The following EXTL1 variants were observed in gnomAD, a reference collection of about 807,000 sequenced individuals.
EXTL1 encodes the protein exostosin-like 1.
In EXTL1, 43 loss-of-function variants were observed where a neutral mutation model predicts 64.6. That is an observed-to-expected ratio of 0.67 (90% CI 0.52 to 0.86). EXTL1 has a LOEUF of 0.86. Among genes scored for constraint, EXTL1 ranks in the 40% least tolerant of loss-of-function variants. The probability of loss-of-function intolerance (pLI) is 0.00; values close to 1 mark genes in which losing one functional copy is unlikely to be tolerated. For missense variants in EXTL1, 766 were observed against 879.0 expected, an observed-to-expected ratio of 0.87 and a Z score of 1.62; for synonymous variants, 352 against 360.5, an observed-to-expected ratio of 0.98 and a Z score of 0.27.
chr1:26,026,297 A>AT (rs61087238), intron 1 of EXTL1, among the ~76,000 whole-genome samples: 17,508 of 140,798 alleles, frequency 0.12, 1,271 homozygotes, highest in Middle Eastern at 0.2. Context: ...GAAGAAAAAA[A>AT]TTTTTTTTTT....
Position 26,033,912 on chromosome 1 carries a change from C to T in EXTL1, c.1679+56C>T. 5 of 1,523,992 alleles carry T rather than the reference C, an allele frequency of 3.3e-6. No individual in the cohort carries two copies. Among genetic ancestry groups the T allele is most frequent in the Non-Finnish European group, 4.4e-6 (5 of 1,126,582 alleles). 94.4% of individuals were successfully genotyped at this position (1,523,992 alleles called of 1,614,324 possible). On this transcript the variant is annotated intron_variant, in intron 9 of 10. Transcript: ENST00000374280. This position sits in a 1 kb window ranked among gnomAD's most constrained non-coding sequence, Gnocchi z 5.1. ...AGTATCAGAGGACCAGAGACCCCAC[C>T]CCCACCCCGAACGGAGCAGAGTGGC... is the stretch of plus-strand genomic sequence containing the variant.
At position 26,033,863 on chromosome 1, in the gene EXTL1, A is replaced by T. The variant is rs1179195182; in HGVS notation, c.1679+7A>T. The T allele has an allele frequency of 1.2e-6, 2 of 1,609,308 alleles. No individual in the cohort carries two copies. Among genetic ancestry groups the T allele is most frequent in the Non-Finnish European group, 1.7e-6 (2 of 1,177,420 alleles). On this transcript the variant is annotated splice_region_variant and intron_variant, in intron 9 of 10. Transcript: ENST00000374280. This position sits in a 1 kb window ranked among gnomAD's most constrained non-coding sequence, Gnocchi z 5.1. ...CAGCCGCCTTCTACCATAGGTACAG[A>T]CCCCTACCCTGCACAGGGATCAGAG...
intron 1 of EXTL1, among the ~76,000 whole-genome samples, chr1:26,026,439 A>C (rs1324744212): frequency 2.0e-5 from 3 of 151,692 alleles, no homozygotes; most frequent in African/African-American, 7.3e-5. Context: ...GATTACAGGC[A>C]CGCACCACTA....
In EXTL1 at chr1:26,034,125, G is replaced by A. The variant is rs967517277; in HGVS notation, c.1679+269G>A. Among the ~76,000 whole-genome samples, 2 of 152,238 alleles carry A rather than the reference G, an allele frequency of 1.3e-5. No homozygotes were observed. The highest frequency in any genetic ancestry group is 4.8e-5 in the African/African-American group (2 of 41,446). ...AGAGGTTCCACAAATGGTAGCTATT[G>A]TTATTTGAAGTAGAGCCATGCAGTG... On this transcript the variant is annotated intron_variant, in intron 9 of 10. Transcript: ENST00000374280. This position sits in a 1 kb window ranked among gnomAD's most constrained non-coding sequence, Gnocchi z 4.6.
chr1:26,033,954 CA>C lies in EXTL1; in HGVS notation c.1679+99del. The C allele has an allele frequency of 8.9e-7, 1 of 1,126,898 alleles. No homozygotes were observed. The highest frequency in any genetic ancestry group is 2.0e-5 in the South Asian group (1 of 50,576). 69.8% of individuals were successfully genotyped at this position (1,126,898 alleles called of 1,614,324 possible). The stretch of plus-strand genomic sequence containing the variant: ...CAGAGTGGCCTAGACCCCAGGGATC[CA>C]GGTTCAAGGCCGAGATCTGCCACTT... On this transcript the variant is annotated intron_variant, in intron 9 of 10. Coordinates refer to ENST00000374280, the MANE Select transcript of EXTL1 (RefSeq NM_004455.3). The surrounding 1 kb of genome is among the most constrained non-coding windows in gnomAD (Gnocchi z 5.1).
chr1:26,033,864 C>A lies in EXTL1; in HGVS notation c.1679+8C>A. Reference sequence around the variant, plus strand: ...AGCCGCCTTCTACCATAGGTACAGACCCCTACCCTGCACAGGGATCAGAGT... The same window carrying A: ...AGCCGCCTTCTACCATAGGTACAGAACCCTACCCTGCACAGGGATCAGAGT... On this transcript the variant is annotated splice_region_variant and intron_variant, in intron 9 of 10. Coordinates refer to ENST00000374280, the MANE Select transcript of EXTL1 (RefSeq NM_004455.3). The surrounding 1 kb of genome is among the most constrained non-coding windows in gnomAD (Gnocchi z 5.1). 6.2e-7 allele frequency: 1 copy of A among 1,609,630 alleles called. No homozygotes were observed.
Position 26,035,586 on chromosome 1 carries a change from G to A in EXTL1, c.*239G>A, listed in dbSNP as rs370020548. 1 of 445,796 alleles carries A rather than the reference G, an allele frequency of 2.2e-6. No homozygotes were observed. Among genetic ancestry groups the A allele is most frequent in the African/African-American group, 2.0e-5 (1 of 50,418 alleles). The allele number at this position is 445,796 out of a possible 1,614,324, so 27.6% of individuals were successfully genotyped here. On this transcript the variant is annotated 3_prime_UTR_variant, in exon 11 of 11. Transcript: ENST00000374280. This position sits in a 1 kb window ranked among gnomAD's most constrained non-coding sequence, Gnocchi z 5.3. ...CCCCGCGACCGGAGCGCCGCTCTCC[G>A]CTTCTCCACCCAGCTAACTTCTGCT...
In EXTL1 at chr1:26,035,376, G is replaced by A; in HGVS notation, c.*29G>A. 6.4e-7 allele frequency: 1 copy of A among 1,571,204 alleles called. No homozygotes were observed. The highest frequency in any genetic ancestry group is 1.4e-5 in the African/African-American group (1 of 73,796). On this transcript the variant is annotated 3_prime_UTR_variant, in exon 11 of 11. Coordinates refer to ENST00000374280, the MANE Select transcript of EXTL1 (RefSeq NM_004455.3). The surrounding 1 kb of genome is among the most constrained non-coding windows in gnomAD (Gnocchi z 5.3). ...GGCGACCCGCGGAGACCCCAGCAGA[G>A]GTCGCAGCCCAGCTCCCAGGGGGCC...
chr1:26,029,285 A>C lies in EXTL1; in HGVS notation c.872A>C (p.Gln291Pro). 6.2e-7 allele frequency: 1 copy of C among 1,612,582 alleles called. No individual in the cohort carries two copies. The highest frequency in any genetic ancestry group is 8.5e-7 in the Non-Finnish European group (1 of 1,178,750). The change falls in exon 2 of 11, where the codon CAG (glutamine) becomes CCG (proline). Residue 291 changes from glutamine to proline, a missense_variant and splice_region_variant. Transcript: ENST00000374280. The stretch of plus-strand genomic sequence containing the variant: ...GCCTCGCGCTTCCTCCAAGCCCTGC[A>C]GGTACAACCCCAATTTGAGCATCAC... Reference protein sequence around the residue: ...EAASRFLQALQAGCIPVLLSP... With the variant: ...EAASRFLQALPAGCIPVLLSP...
intron 3 of EXTL1, 44 bp downstream of exon 3, chr1:26,029,751 CAG>C (rs2050261826): frequency 7.7e-6 from 10 of 1,295,932 alleles, no homozygotes; most frequent in South Asian, 1.2e-5. Context: ...GGACCCAGGA[CAG>C]GGGAGGGACC....
rs749037578 is a variant in EXTL1 at position 26,022,948 on chromosome 1, A to G, written c.302A>G (p.Tyr101Cys). Residue 101 changes from tyrosine (Y) to cysteine (C), a missense_variant, in exon 1 of 11, where the codon TAC (tyrosine) becomes TGC (cysteine). This residue lies in a region of EXTL1 where 571 missense variants were observed against 647.6 expected (regional missense o/e 0.88). Coordinates refer to ENST00000374280, the MANE Select transcript of EXTL1 (RefSeq NM_004455.3). The part of the protein sequence containing the change: ...CRGDGLKVFV[Y>C]PAVGTISETH... ...GGCGATGGCCTTAAGGTATTCGTGT[A>G]CCCAGCGGTTGGAACCATCTCTGAG... is the stretch of plus-strand genomic sequence containing the variant. The G allele has an allele frequency of 2.5e-6, 4 of 1,614,050 alleles. No individual in the cohort carries two copies. The Admixed American group carries it at 6.7e-5, about 27-fold the overall frequency.
chr1:26,030,327 C>A, intron 3 of EXTL1, 149 bp from the exon 4 acceptor site: 1 of 676,308 alleles, frequency 1.5e-6, no homozygotes, highest in Non-Finnish European at 2.3e-6. Flanking sequence ...CCCCTGAATG[C>A]TTCTTTTTTT....
rs754107285 is a variant in EXTL1, at chr1:26,036,304, C to T, written c.*957C>T. ...GGAACTCAGCAAGAAGGGACTGTTT[C>T]TAGGTGGGCTGGGCGCGAGCAGGGA... On this transcript the variant is annotated 3_prime_UTR_variant, in exon 11 of 11. Coordinates refer to ENST00000374280, the MANE Select transcript of EXTL1 (RefSeq NM_004455.3). The surrounding 1 kb of genome is among the most constrained non-coding windows in gnomAD (Gnocchi z 5.2). The T allele has an allele frequency of 6.6e-6, 1 of 152,468 alleles. No individual in the cohort carries two copies. Among genetic ancestry groups the T allele is most frequent in the African/African-American group, 2.4e-5 (1 of 41,428 alleles). 9.4% of individuals were successfully genotyped at this position (152,468 alleles called of 1,614,324 possible).
intron 3 of EXTL1, 81 bp from the exon 4 acceptor site, chr1:26,030,395 C>A: frequency 8.2e-7 from 1 of 1,224,940 alleles, no homozygotes; most frequent in Non-Finnish European, 1.1e-6. Flanking sequence ...TGCAGTGGCA[C>A]GAATATGGCT....
At chr1:26,031,342 A>G (rs941440438) in intron 5 of EXTL1, 78 bp downstream of exon 5, 3 of 1,539,516 alleles carry the variant, frequency 1.9e-6, no homozygotes, top group Non-Finnish European at 2.6e-6. Flanking sequence ...GGAGAGCCCC[A>G]CCAAGACCCT....
intron 3 of EXTL1, 146 bp from the exon 4 acceptor site, chr1:26,030,329 TC>T (rs1289211021): frequency 1.4e-6 from 1 of 699,658 alleles, no homozygotes; most frequent in Non-Finnish European, 2.2e-6. Context: ...CCTGAATGCT[TC>T]TTTTTTTTTT....
rs1223787853 is a variant in EXTL1, at chr1:26,022,026, C to CGAT, written c.-617_-615dup. Reference sequence around the variant, plus strand: ...CCCAGGCTGTGACCTCAGCTGACGCCGATGATCCACATGGGATGCAGGGTC... The same window carrying CGAT: ...CCCAGGCTGTGACCTCAGCTGACGCCGATGATGATCCACATGGGATGCAGGGTC... On this transcript the variant is annotated 5_prime_UTR_variant, in exon 1 of 11. The change creates a new upstream start codon in the 5' untranslated region. Coordinates refer to ENST00000374280, the MANE Select transcript of EXTL1 (RefSeq NM_004455.3). 1 of 152,528 alleles carries CGAT rather than the reference C, an allele frequency of 6.6e-6. No individual in the cohort carries two copies. Among genetic ancestry groups the CGAT allele is most frequent in the Non-Finnish European group, 1.5e-5 (1 of 68,322 alleles). 9.4% of individuals were successfully genotyped at this position (152,528 alleles called of 1,614,324 possible). A position where few individuals can be genotyped will look rare whatever the true frequency, so the allele number is the denominator to read the frequency against.
chr1:26,035,396 G>A lies in EXTL1; in HGVS notation c.*49G>A. The A allele has an allele frequency of 6.6e-7, 1 of 1,515,978 alleles. No homozygotes were observed. The highest frequency in any genetic ancestry group is 8.9e-7 in the Non-Finnish European group (1 of 1,124,856). 93.9% of individuals were successfully genotyped at this position (1,515,978 alleles called of 1,614,324 possible). On this transcript the variant is annotated 3_prime_UTR_variant, in exon 11 of 11. Coordinates refer to ENST00000374280, the MANE Select transcript of EXTL1 (RefSeq NM_004455.3). The surrounding 1 kb of genome is among the most constrained non-coding windows in gnomAD (Gnocchi z 5.3). ...GCAGAGGTCGCAGCCCAGCTCCCAG[G>A]GGGCCCGGCGCCTGCCGGCGGGCTC...
At position 26,031,230 on chromosome 1, in the gene EXTL1, C is replaced by G; in HGVS notation, c.1200C>G (p.Ser400Arg). Residue 400 changes from serine to arginine, a missense_variant, in exon 5 of 11, where the codon AGC becomes AGG. By Grantham distance (110) the Ser-to-Arg change is moderately radical. Around this residue, in one of 3 missense-constraint regions of EXTL1, gnomAD observed 571 missense variants for 647.6 expected, o/e 0.88. Transcript: ENST00000374280. ...ALLALSTFSTSPQDFPFYYLQ... is the reference protein window; with the variant it reads ...ALLALSTFSTRPQDFPFYYLQ... ...TGGCCCTGTCTACTTTTTCCACAAG[C>G]CCCCAGGACTTCCCCTTCTACTACC... is the stretch of plus-strand genomic sequence containing the variant. The G allele has an allele frequency of 1.9e-6, 3 of 1,613,980 alleles. No homozygotes were observed. Among genetic ancestry groups the G allele is most frequent in the Non-Finnish European group, 2.5e-6 (3 of 1,179,964 alleles).
Sources: allele counts gnomAD v4.1 joint callset (sites outside exome capture counted in the v4.1 genomes callset), GRCh38; gene constraint gnomAD v4.1.1; regional missense constraint gnomAD v4.1.1; non-coding constraint Gnocchi (gnomAD v3.1); transcripts MANE v1.5; gene names NCBI Gene and HGNC (gene_info 2026-07-23, HGNC 2026-07-21).